Variants in ROBO1 observed in about 807,000 individuals in gnomAD.
The protein encoded by ROBO1 is roundabout guidance receptor 1, also known as roundabout homolog 1.
In ROBO1, 149 loss-of-function variants were observed where a neutral mutation model predicts 195.9. That is an observed-to-expected ratio of 0.76 (90% confidence interval 0.67 to 0.87). The LOEUF (loss-of-function observed/expected upper bound fraction) is 0.87, where lower values mean the gene tolerates loss of function less well. Ranked by LOEUF, ROBO1 falls within the 40% of genes least tolerant of loss-of-function variation. The pLI, the probability that ROBO1 is intolerant of heterozygous loss-of-function variation, is 0.00. For synonymous variants in ROBO1, 816 were observed against 733.2 expected (o/e 1.11, Z -1.82); for missense variants, 1,933 against 2,068.3 (o/e 0.93, Z 1.27).
intron 1 of ROBO1, among the ~76,000 whole-genome samples, chr3:79,595,167 A>G (rs1296935605): frequency 6.6e-6 from 1 of 151,970 alleles, no homozygotes; most frequent in African/African-American, 2.4e-5. Context: ...TTTTCAAGTA[A>G]TATATTTACT....
At chr3:79,021,036 T>C (rs1045578565) in intron 3 of ROBO1, among the ~76,000 whole-genome samples, 1 of 152,154 alleles carries the variant, frequency 6.6e-6, no homozygotes, top group Non-Finnish European at 1.5e-5. Flanking sequence ...CCAACGACCT[T>C]AGAGCGACAT....
chr3:79,273,163 T>C (rs1042944844), intron 2 of ROBO1, among the ~76,000 whole-genome samples: 1 of 152,090 alleles, frequency 6.6e-6, no homozygotes, highest in African/African-American at 2.4e-5. Flanking sequence ...AGAAATCATC[T>C]GAAAGTACAA....
chr3:79,331,043 G>A (rs974659397), intron 2 of ROBO1, among the ~76,000 whole-genome samples: 2 of 152,108 alleles, frequency 1.3e-5, no homozygotes, highest in African/African-American at 4.8e-5. Flanking sequence ...ACACTTGATA[G>A]GATAACTAAC....
rs541281276 is a variant in ROBO1, at chr3:79,188,017, G to C, written c.89-62478C>G. ...CATTCTATGAGTGTGCTATTTCTCT[G>C]ATAAAAACAAAAGTTTATCTTCCTA... is the stretch of plus-strand genomic sequence containing the variant. On this transcript the variant is annotated intron_variant, in intron 2 of 30. Transcript: ENST00000464233. 7.6e-4 allele frequency among the ~76,000 whole-genome samples: 115 copies of C among 151,962 alleles called. 1 individual carries two copies. Among genetic ancestry groups the C allele is most frequent in the Admixed American group, 1.6e-3 (25 of 15,230 alleles).
chr3:79,371,112 G>A (rs536222043), intron 2 of ROBO1, among the ~76,000 whole-genome samples: 20 of 152,114 alleles, frequency 1.3e-4, no homozygotes, highest in South Asian at 2.1e-4. Context: ...TTGGTTCCAC[G>A]TCTTTGCTAT....
chr3:79,288,611 A>G (rs1348980941), intron 2 of ROBO1, among the ~76,000 whole-genome samples: 5 of 152,184 alleles, frequency 3.3e-5, no homozygotes, highest in Non-Finnish European at 7.3e-5. Context: ...CAGATGCAGA[A>G]ACCCAGTTGA....
At chr3:78,854,867 A>G (rs2034313432) in intron 4 of ROBO1, among the ~76,000 whole-genome samples, 1 of 152,180 alleles carries the variant, frequency 6.6e-6, no homozygotes, top group South Asian at 2.1e-4. Context: ...AAGGTTTTAG[A>G]AAACATAGGA....
At chr3:79,740,651 G>A (rs2107418823) in intron 1 of ROBO1, among the ~76,000 whole-genome samples, 1 of 152,248 alleles carries the variant, frequency 6.6e-6, no homozygotes, top group Non-Finnish European at 1.5e-5. Flanking sequence ...CACGAGAACA[G>A]TGTGGCAGAA....
chr3:79,324,700 A>G (rs948893387), intron 2 of ROBO1, among the ~76,000 whole-genome samples: 6 of 152,186 alleles, frequency 3.9e-5, no homozygotes, highest in African/African-American at 1.4e-4. Context: ...TCAAGAGAGA[A>G]CAGACCAGGT....
At chr3:79,556,403 G>A (rs1262874323) in intron 2 of ROBO1, among the ~76,000 whole-genome samples, 1 of 152,054 alleles carries the variant, frequency 6.6e-6, no homozygotes, top group Non-Finnish European at 1.5e-5. Flanking sequence ...GAAAAAAACA[G>A]CATGAAGTAT....
intron 10 of ROBO1, among the ~76,000 whole-genome samples, chr3:78,683,784 A>C (rs910718904): frequency 3.9e-5 from 6 of 152,052 alleles, no homozygotes; most frequent in African/African-American, 1.4e-4. Context: ...AATTAACTCA[A>C]GGTAGATAAA....
chr3:78,667,510 C>T (rs996928365), intron 14 of ROBO1, among the ~76,000 whole-genome samples: 17 of 151,576 alleles, frequency 1.1e-4, no homozygotes, highest in African/African-American at 3.7e-4. Flanking sequence ...TTCATTAGAT[C>T]TAACTATTCT....
intron 2 of ROBO1, among the ~76,000 whole-genome samples, chr3:79,405,406 C>A (rs2037509816): frequency 6.6e-6 from 1 of 152,160 alleles, no homozygotes; most frequent in Non-Finnish European, 1.5e-5. Flanking sequence ...TGCAAGGAAG[C>A]ACATTATGCT....
intron 3 of ROBO1, among the ~76,000 whole-genome samples, chr3:79,000,208 G>C (rs929921387): frequency 3.3e-5 from 5 of 152,102 alleles, no homozygotes; most frequent in African/African-American, 1.2e-4. Flanking sequence ...CAGCAGCAAG[G>C]AGAAGTGCAC....
intron 2 of ROBO1, among the ~76,000 whole-genome samples, chr3:79,323,094 T>TA (rs1359752031): frequency 6.6e-6 from 1 of 151,842 alleles, no homozygotes; most frequent in African/African-American, 2.4e-5. Flanking sequence ...TCTTTTTTTT[T>TA]TTTTTGAGAC....
intron 14 of ROBO1, among the ~76,000 whole-genome samples, chr3:78,664,476 A>G (rs1369215477): frequency 1.3e-5 from 2 of 152,200 alleles, no homozygotes; most frequent in Non-Finnish European, 2.9e-5. Flanking sequence ...CTCTGCCACA[A>G]TGACCACCAC....
intron 2 of ROBO1, among the ~76,000 whole-genome samples, chr3:79,227,283 T>C (rs1316528419): frequency 1.3e-5 from 2 of 152,134 alleles, no homozygotes; most frequent in South Asian, 2.1e-4. Context: ...GTGGGAGTTA[T>C]TCAAAGCTCA....
intron 2 of ROBO1, among the ~76,000 whole-genome samples, chr3:79,490,247 C>T (rs985129980): frequency 6.6e-6 from 1 of 152,122 alleles, no homozygotes; most frequent in Admixed American, 6.5e-5. Context: ...TCAAGGCACC[C>T]GTTGCCTGTC....
At chr3:79,275,994 G>T (rs962930406) in intron 2 of ROBO1, among the ~76,000 whole-genome samples, 5 of 151,808 alleles carry the variant, frequency 3.3e-5, no homozygotes, top group Admixed American at 6.6e-5. Context: ...AAAATGGAAA[G>T]CTATTCCATG....
Sources: allele counts gnomAD v4.1 joint callset (sites outside exome capture counted in the v4.1 genomes callset), GRCh38; gene constraint gnomAD v4.1.1; transcripts MANE v1.5; gene names NCBI Gene and HGNC (gene_info 2026-07-23, HGNC 2026-07-21).